The following CTPS1 variants were observed in gnomAD, a reference collection of about 807,000 sequenced individuals.
CTPS1 encodes the protein CTP synthetase 1.
Under a neutral mutation model 80.5 loss-of-function variants are expected in CTPS1, and 25 were observed. The ratio of observed to expected loss-of-function variants is 0.31; its 90% CI spans 0.23 to 0.43. The LOEUF (loss-of-function observed/expected upper bound fraction) is 0.43. CTPS1 is among the 20% of genes least tolerant of loss of function. The pLI, the probability that CTPS1 is intolerant of heterozygous loss-of-function variation, is 1.00. For missense variants in CTPS1, 442 were observed against 725.7 expected, an observed-to-expected ratio of 0.61 and a Z score of 4.49; for synonymous variants, 267 against 252.5, an observed-to-expected ratio of 1.06 and a Z score of -0.54.
chr1:40,997,553 A>G, intron 9 of CTPS1, 27 bp downstream of exon 9: 1 of 1,610,658 alleles, frequency 6.2e-7, no homozygotes, highest in Non-Finnish European at 8.5e-7. Context: ...AGGTACAGCC[A>G]AAGGATGAGC....
chr1:40,995,462 C>T (rs984421064), intron 7 of CTPS1, among the ~76,000 whole-genome samples: 1 of 150,196 alleles, frequency 6.7e-6, no homozygotes, highest in Admixed American at 6.6e-5. Context: ...GGCACAATCT[C>T]AGCTCACTAC....
intron 5 of CTPS1, 43 bp from the exon 6 acceptor site, chr1:40,991,122 C>G (rs747941008): frequency 2.1e-6 from 3 of 1,419,874 alleles, no homozygotes; most frequent in South Asian, 2.6e-5. Context: ...AATTCCTTAT[C>G]AGAGGGAAAC....
rs1050584185 is a variant in CTPS1 at position 41,008,587 on chromosome 1, A to G, written c.1394-72A>G. 3 of 1,487,950 alleles carry G rather than the reference A, an allele frequency of 2.0e-6. No individual in the cohort carries two copies. The East Asian group carries it at 6.8e-5, about 34-fold the overall frequency. 92.2% of individuals were successfully genotyped at this position (1,487,950 alleles called of 1,614,324 possible). Reference sequence around the variant, plus strand: ...GTGGATGATGAAAAGTAAAGCAGGAAGGAGGATGTCTTTGTGAACGCATCA... The same window carrying G: ...GTGGATGATGAAAAGTAAAGCAGGAGGGAGGATGTCTTTGTGAACGCATCA... On this transcript the variant is annotated intron_variant, in intron 14 of 18. Coordinates refer to ENST00000650070, the MANE Select transcript of CTPS1 (RefSeq NM_001905.4).
At chr1:40,984,617 G>A (rs1642405249) in intron 2 of CTPS1, among the ~76,000 whole-genome samples, 1 of 152,118 alleles carries the variant, frequency 6.6e-6, no homozygotes, top group African/African-American at 2.4e-5. Context: ...TTTGTTGACA[G>A]GCTAGAAGTA....
At chr1:40,983,157 C>T (rs1448032854) in intron 1 of CTPS1, 121 bp from the exon 2 acceptor site, 9 of 745,034 alleles carry the variant, frequency 1.2e-5, no homozygotes, top group Admixed American at 3.1e-5. Context: ...AGTCCTGTGA[C>T]AGAGAAACTG....
chr1:40,979,927 T>G (rs1239213387), intron 1 of CTPS1, 98 bp downstream of exon 1: 1 of 152,158 alleles, frequency 6.6e-6, no homozygotes, highest in East Asian at 1.9e-4. Flanking sequence ...GCCGCCGCGG[T>G]GACGGACGTC....
At chr1:40,986,201 A>G (rs1350645526) in intron 3 of CTPS1, among the ~76,000 whole-genome samples, 1 of 152,272 alleles carries the variant, frequency 6.6e-6, no homozygotes, top group African/African-American at 2.4e-5. Context: ...GAGTGAGGAC[A>G]GAGTGACTGG....
At chr1:41,004,600 T>TC (rs140690323) in intron 12 of CTPS1, among the ~76,000 whole-genome samples, 35,164 of 152,108 alleles carry the variant, frequency 0.23, 4,979 homozygotes, top group Non-Finnish European at 0.31. Flanking sequence ...TGCCCAGCGT[T>TC]CACATAGTAC....
At chr1:41,008,591 G>C in intron 14 of CTPS1, 68 bp from the exon 15 acceptor site, 1 of 1,509,702 alleles carries the variant, frequency 6.6e-7, no homozygotes, top group South Asian at 1.1e-5. Flanking sequence ...GCAGGAAGGA[G>C]GATGTCTTTG....
chr1:40,997,314 T>TC (rs1642779073), intron 8 of CTPS1, 80 bp from the exon 9 acceptor site: 5 of 1,515,714 alleles, frequency 3.3e-6, no homozygotes, highest in Admixed American at 2.1e-5. Context: ...TGGTTTTTTT[T>TC]CCCTTGAAAT....
In CTPS1 at chr1:41,001,102, A is replaced by G. The variant is rs933464624; in HGVS notation, c.1079A>G (p.Lys360Arg). Residue 360 changes from lysine (K) to arginine (R), a missense_variant, in exon 10 of 19, where the codon AAG becomes AGG. Lys to Arg is a conservative substitution (Grantham distance 26). This residue lies in a region of CTPS1 where 321 missense variants were observed against 467.2 expected (regional missense o/e 0.69). Coordinates refer to ENST00000650070, the MANE Select transcript of CTPS1 (RefSeq NM_001905.4). The stretch of plus-strand genomic sequence containing the variant: ...GTGCGCTACCACGAAGCTTGGCAGA[A>G]GCTCTGTAGTGCTCAGTGAGTAGAG... Reference protein sequence around the residue: ...EPVRYHEAWQKLCSAHGVLVP... With the variant: ...EPVRYHEAWQRLCSAHGVLVP... The G allele has an allele frequency of 6.8e-6, 11 of 1,610,760 alleles. No individual in the cohort carries two copies. The highest frequency in any genetic ancestry group is 1.7e-4 in the Middle Eastern group (1 of 6,034).
chr1:41,010,512 A>C (rs1643145746), intron 18 of CTPS1, among the ~76,000 whole-genome samples: 2 of 152,166 alleles, frequency 1.3e-5, no homozygotes, highest in African/African-American at 4.8e-5. Context: ...GAGCATGGTC[A>C]CTGGGCAGTT....
At chr1:40,987,288 C>A in intron 3 of CTPS1, 84 bp from the exon 4 acceptor site, 1 of 953,784 alleles carries the variant, frequency 1.0e-6, no homozygotes. Flanking sequence ...AAGAGTGCTG[C>A]AGTTTGTTTT....
At chr1:41,008,633 T>A (rs370359490) in intron 14 of CTPS1, 26 bp from the exon 15 acceptor site, 2 of 1,613,274 alleles carry the variant, frequency 1.2e-6, no homozygotes, top group African/African-American at 2.7e-5. Context: ...TAAAGTTCTT[T>A]ACATACAGCC....
chr1:41,002,696 T>G (rs1290633615), intron 11 of CTPS1, among the ~76,000 whole-genome samples: 30 of 152,150 alleles, frequency 2.0e-4, no homozygotes, highest in Admixed American at 1.9e-3. Context: ...TTTAAAGTAC[T>G]GAGGCTAGGC....
At chr1:41,008,542 C>A (rs1285741091) in intron 14 of CTPS1, 117 bp from the exon 15 acceptor site, 2 of 1,020,750 alleles carry the variant, frequency 2.0e-6, no homozygotes, top group Admixed American at 1.8e-5. Flanking sequence ...ATAGAAATAG[C>A]CCTCAAAAGA....
intron 5 of CTPS1, among the ~76,000 whole-genome samples, chr1:40,989,967 T>A (rs1642558903): frequency 6.6e-6 from 1 of 152,128 alleles, no homozygotes; most frequent in Non-Finnish European, 1.5e-5. Context: ...GCTCAGAAGT[T>A]CTAATGTCCA....
chr1:40,982,394 C>CTT (rs138712726), intron 1 of CTPS1, among the ~76,000 whole-genome samples: 66 of 149,434 alleles, frequency 4.4e-4, no homozygotes, highest in Non-Finnish European at 7.2e-4. Flanking sequence ...AAGAGAACTA[C>CTT]TTTTTCTTTT....
chr1:41,004,604 A>G (rs1642986212), intron 12 of CTPS1, among the ~76,000 whole-genome samples: 1 of 151,962 alleles, frequency 6.6e-6, no homozygotes, highest in African/African-American at 2.4e-5. Flanking sequence ...CAGCGTTCAC[A>G]TAGTACCAGG....
Sources: gnomAD v4.1 joint callset for allele counts (sites outside exome capture counted in the v4.1 genomes callset) on GRCh38, gnomAD v4.1.1 for gene constraint, gnomAD v4.1.1 regional missense constraint, MANE v1.5 for transcripts, NCBI Gene and HGNC (gene_info 2026-07-23, HGNC 2026-07-21) for gene names.